DERA: variants seen among roughly 807,000 people sequenced by gnomAD.
The protein encoded by DERA is 2-deoxy-D-ribose 5-phosphate aldolase.
A neutral mutation model predicts 41.1 loss-of-function variants in DERA; 15 were observed. That is an observed-to-expected ratio of 0.37 (90% confidence interval 0.24 to 0.56). The LOEUF is 0.56. DERA is among the 20% of genes least tolerant of loss of function. DERA has a pLI of 0.81. For missense variants in DERA, 396 were observed against 403.4 expected, an observed-to-expected ratio of 0.98 and a Z score of 0.16; for synonymous variants, 139 against 137.4, an observed-to-expected ratio of 1.01 and a Z score of -0.08.
In DERA at chr12:16,036,730, A is replaced by T; in HGVS notation, c.941A>T (p.Asp314Val). 6.3e-7 allele frequency: 1 copy of T among 1,599,692 alleles called. No homozygotes were observed. The highest frequency in any genetic ancestry group is 1.1e-5 in the South Asian group (1 of 87,858). ...ACTGGAAGATATGCAGCTTATCATG[A>T]TCTTCCAATGTCTTAAATCAGTCAC... ...HVTGRYAAYH[D>V]LPMS The change falls in exon 9 of 9, where the codon GAT (aspartate) becomes GTT (valine). Residue 314 changes from aspartate (D) to valine (V), a missense_variant. Transcript: ENST00000428559. This position sits in a 1 kb window ranked among gnomAD's most constrained non-coding sequence, Gnocchi z 4.9.
chr12:15,964,413 G>T (rs913116731), intron 5 of DERA, among the ~76,000 whole-genome samples: 2 of 151,934 alleles, frequency 1.3e-5, no homozygotes, highest in African/African-American at 4.8e-5. Context: ...TATAATTCTT[G>T]CCAGGTTTAA....
rs146182174 is a variant in DERA, at chr12:16,033,581, TTGTGTGTGTGTG to T, written c.750+959_750+970del. ...TTTTTTACATGATTGGAGAGCAAGG[TTGTGTGTGTGTG>T]TGTGTGTGTGTGTGTGTGTGTGTGT... is the stretch of plus-strand genomic sequence containing the variant. On this transcript the variant is annotated intron_variant, in intron 7 of 8. Coordinates refer to ENST00000428559, the MANE Select transcript of DERA (RefSeq NM_015954.4). Among the ~76,000 whole-genome samples the T allele has an allele frequency of 7.3e-4, 93 of 127,702 alleles. 1 individual carries two copies. Among genetic ancestry groups the T allele is most frequent in the South Asian group, 3.1e-3 (11 of 3,592 alleles). 83.8% of individuals were successfully genotyped at this position (127,702 alleles called of 152,430 possible). A position where few individuals can be genotyped will look rare whatever the true frequency, so the allele number is the denominator to read the frequency against.
At position 15,981,872 on chromosome 12, in the gene DERA, A is replaced by AT. The variant is rs11458815; in HGVS notation, c.509-435dup. 1 allele frequency among the ~76,000 whole-genome samples: 152,344 copies of AT among 152,360 alleles called. 76,164 individuals carry two copies. Among genetic ancestry groups the AT allele is most frequent in the Middle Eastern group, 1 (294 of 294 alleles). On this transcript the variant is annotated intron_variant, in intron 5 of 8. Transcript: ENST00000428559. The surrounding 1 kb of genome is among the most constrained non-coding windows in gnomAD (Gnocchi z 6.1). ...AACTCTCAAGAAAGGTGTGCTTTAT[A>AT]TCCAACCAAAGAACCTATTACTTGT...
rs1948518822 is a variant in DERA, at chr12:15,954,034, TG to T, written c.32-2900del. ...AAATCCTATTACATTCTCCAGTAGA[TG>T]GTTTGCAGGGACCTCTGGCAAGAGG... On this transcript the variant is annotated intron_variant, in intron 1 of 8. Coordinates refer to ENST00000428559, the MANE Select transcript of DERA (RefSeq NM_015954.4). The surrounding 1 kb of genome is among the most constrained non-coding windows in gnomAD (Gnocchi z 4.0). Among the ~76,000 whole-genome samples the T allele has an allele frequency of 6.6e-6, 1 of 152,316 alleles. No homozygotes were observed. Among genetic ancestry groups the T allele is most frequent in the East Asian group, 1.9e-4 (1 of 5,184 alleles).
intron 5 of DERA, among the ~76,000 whole-genome samples, chr12:15,974,258 C>T (rs1948683183): frequency 6.6e-6 from 1 of 152,160 alleles, no homozygotes; most frequent in African/African-American, 2.4e-5. Context: ...ACCATACGGC[C>T]ATTAAATGTA....
rs569986962 is a variant in DERA at position 16,021,167 on chromosome 12, G to A, written c.638-11375G>A. Among the ~76,000 whole-genome samples, 12 of 152,278 alleles carry A rather than the reference G, an allele frequency of 7.9e-5. No individual in the cohort carries two copies. The highest frequency in any genetic ancestry group is 3.9e-4 in the East Asian group (2 of 5,168). On this transcript the variant is annotated intron_variant, in intron 6 of 8. Transcript: ENST00000428559. This position sits in a 1 kb window ranked among gnomAD's most constrained non-coding sequence, Gnocchi z 5.3. Reference sequence around the variant, plus strand: ...ACTTGAAGGCATTTCAGAGGTCTTCGAAGCAGCCCCTGCCATCAAAGGCCC... The same window carrying A: ...ACTTGAAGGCATTTCAGAGGTCTTCAAAGCAGCCCCTGCCATCAAAGGCCC...
In DERA at chr12:15,998,945, A is replaced by G. The variant is rs1948857216; in HGVS notation, c.637+16509A>G. On this transcript the variant is annotated intron_variant, in intron 6 of 8. Coordinates refer to ENST00000428559, the MANE Select transcript of DERA (RefSeq NM_015954.4). This position sits in a 1 kb window ranked among gnomAD's most constrained non-coding sequence, Gnocchi z 4.8. Reference sequence around the variant, plus strand: ...GAGCAAGAATTTATATTTTAAATTTAGGTCTCTCAGGACATTTGTAATTCT... The same window carrying G: ...GAGCAAGAATTTATATTTTAAATTTGGGTCTCTCAGGACATTTGTAATTCT... 6.6e-6 allele frequency among the ~76,000 whole-genome samples: 1 copy of G among 152,222 alleles called. No homozygotes were observed. The highest frequency in any genetic ancestry group is 6.5e-5 in the Admixed American group (1 of 15,284).
At position 15,911,672 on chromosome 12, in the gene DERA, G is replaced by A; in HGVS notation, c.31+258G>A. 1 of 684,574 alleles carries A rather than the reference G, an allele frequency of 1.5e-6. No homozygotes were observed. Among genetic ancestry groups the A allele is most frequent in the East Asian group, 2.8e-5 (1 of 35,902 alleles). The allele number at this position is 684,574 out of a possible 1,614,324, so 42.4% of individuals were successfully genotyped here. Reference sequence around the variant, plus strand: ...GAAAGGGTTAGATTATTATCTTCCTGCCTTTTCGTTCACTCTAGCTCGCTG... The same window carrying A: ...GAAAGGGTTAGATTATTATCTTCCTACCTTTTCGTTCACTCTAGCTCGCTG... On this transcript the variant is annotated intron_variant, in intron 1 of 8. Transcript: ENST00000428559. This position sits in a 1 kb window ranked among gnomAD's most constrained non-coding sequence, Gnocchi z 4.5.
rs1433834125 is a variant in DERA at position 15,982,437 on chromosome 12, G to C, written c.637+1G>C. Reference sequence around the variant, plus strand: ...GCCAGTATGATAGCAATGATGGCAGGTAAGTGTTTTATGTTCAAATAATGT... The same window carrying C: ...GCCAGTATGATAGCAATGATGGCAGCTAAGTGTTTTATGTTCAAATAATGT... On this transcript the variant is annotated splice_donor_variant, in intron 6 of 8. Transcript: ENST00000428559. LOFTEE classifies it high-confidence loss of function. This position sits in a 1 kb window ranked among gnomAD's most constrained non-coding sequence, Gnocchi z 4.0. 1 of 1,600,624 alleles carries C rather than the reference G, an allele frequency of 6.2e-7. No individual in the cohort carries two copies. The highest frequency in any genetic ancestry group is 8.5e-7 in the Non-Finnish European group (1 of 1,176,280).
At chr12:15,917,674 T>A (rs912052114) in intron 1 of DERA, among the ~76,000 whole-genome samples, 6 of 152,344 alleles carry the variant, frequency 3.9e-5, no homozygotes, top group East Asian at 1.9e-4. Context: ...CCCTTTGCTT[T>A]ACACCAACGG....
rs911211748 is a variant in DERA at position 15,954,289 on chromosome 12, T to C, written c.32-2647T>C. On this transcript the variant is annotated intron_variant, in intron 1 of 8. Coordinates refer to ENST00000428559, the MANE Select transcript of DERA (RefSeq NM_015954.4). This position sits in a 1 kb window ranked among gnomAD's most constrained non-coding sequence, Gnocchi z 4.0. ...CGACTTATTTATCGTATGCCACCCG[T>C]GCGTCAGGTCCTTCGCTTGGAGTTT... Among the ~76,000 whole-genome samples, 1 of 152,162 alleles carries C rather than the reference T, an allele frequency of 6.6e-6. No individual in the cohort carries two copies. The highest frequency in any genetic ancestry group is 2.4e-5 in the African/African-American group (1 of 41,458).
At chr12:15,925,983 C>T (rs771408103) in intron 1 of DERA, among the ~76,000 whole-genome samples, 11 of 151,720 alleles carry the variant, frequency 7.3e-5, no homozygotes, top group South Asian at 2.1e-4. Flanking sequence ...ATCACACACC[C>T]GGCTGATTTT....
In DERA at chr12:15,959,314, A is replaced by T. The variant is rs1362411755; in HGVS notation, c.278-515A>T. On this transcript the variant is annotated intron_variant, in intron 3 of 8. Transcript: ENST00000428559. This position sits in a 1 kb window ranked among gnomAD's most constrained non-coding sequence, Gnocchi z 4.5. ...ATTCTAAATTTTTTAAAATTTATGA[A>T]CTTATTTCTTAAAATCAGGGCTTCC... Among the ~76,000 whole-genome samples, 1 of 152,116 alleles carries T rather than the reference A, an allele frequency of 6.6e-6. No homozygotes were observed. The highest frequency in any genetic ancestry group is 1.5e-5 in the Non-Finnish European group (1 of 68,010).
intron 1 of DERA, among the ~76,000 whole-genome samples, chr12:15,932,719 A>G (rs1156642824): frequency 6.6e-6 from 1 of 152,208 alleles, no homozygotes; most frequent in African/African-American, 2.4e-5. Context: ...TTTAAAGTCT[A>G]TTGTTAACGA....
chr12:15,928,375 C>T lies in DERA; in HGVS notation c.31+16961C>T, dbSNP rs12310170. On this transcript the variant is annotated intron_variant, in intron 1 of 8. Transcript: ENST00000428559. The surrounding 1 kb of genome is among the most constrained non-coding windows in gnomAD (Gnocchi z 4.6). ...AATTAACAAATTTTAAATTTCTTGC[C>T]CATTATTCCACTTACAGAGATTTTT... Among the ~76,000 whole-genome samples, 34,952 of 152,072 alleles carry T rather than the reference C, an allele frequency of 0.23. 4,388 individuals are homozygous for T. Among genetic ancestry groups the T allele is most frequent in the Admixed American group, 0.34 (5,238 of 15,284 alleles).
In DERA at chr12:16,014,737, T is replaced by A. The variant is rs1948969107; in HGVS notation, c.638-17805T>A. Among the ~76,000 whole-genome samples the A allele has an allele frequency of 6.6e-6, 1 of 152,064 alleles. No individual in the cohort carries two copies. Among genetic ancestry groups the A allele is most frequent in the South Asian group, 2.1e-4 (1 of 4,834 alleles). On this transcript the variant is annotated intron_variant, in intron 6 of 8. Transcript: ENST00000428559. The surrounding 1 kb of genome is among the most constrained non-coding windows in gnomAD (Gnocchi z 5.4). ...GTCCTCCAGACCCCAGAATGGTAGA[T>A]CCACCAACAGCTTGCACCGTGGGCT...
rs912512698 is a variant in DERA, at chr12:15,911,671, T to C, written c.31+257T>C. ...GGAAAGGGTTAGATTATTATCTTCC[T>C]GCCTTTTCGTTCACTCTAGCTCGCT... On this transcript the variant is annotated intron_variant, in intron 1 of 8. Transcript: ENST00000428559. This position sits in a 1 kb window ranked among gnomAD's most constrained non-coding sequence, Gnocchi z 4.5. 1.5e-6 allele frequency: 1 copy of C among 685,134 alleles called. No homozygotes were observed. Among genetic ancestry groups the C allele is most frequent in the South Asian group, 1.5e-5 (1 of 66,600 alleles). 42.4% of individuals were successfully genotyped at this position (685,134 alleles called of 1,614,324 possible).
At chr12:15,929,182 G>A (rs1193460151) in intron 1 of DERA, among the ~76,000 whole-genome samples, 3 of 152,214 alleles carry the variant, frequency 2.0e-5, no homozygotes, top group Admixed American at 6.5e-5. Flanking sequence ...TAACTTCTGA[G>A]TGGGTACATC....
chr12:15,929,882 AATAAATAT>A (rs1401372408), intron 1 of DERA, among the ~76,000 whole-genome samples: 1 of 152,226 alleles, frequency 6.6e-6, no homozygotes, highest in Non-Finnish European at 1.5e-5. Context: ...AATTTTCACA[AATAAATAT>A]ATATGTTGGG....
Sources: allele counts gnomAD v4.1 joint callset (sites outside exome capture counted in the v4.1 genomes callset), GRCh38; gene constraint gnomAD v4.1.1; non-coding constraint Gnocchi (gnomAD v3.1); transcripts MANE v1.5; gene names NCBI Gene and HGNC (gene_info 2026-07-23, HGNC 2026-07-21).